MLIP: variants seen among roughly 807,000 people sequenced by gnomAD.
MLIP encodes muscular LMNA interacting protein.
MLIP carries 79 observed loss-of-function variants against 84.8 expected under a neutral mutation model. The observed-to-expected ratio is 0.93, with a 90% CI of 0.78 to 1.12. The LOEUF (loss-of-function observed/expected upper bound fraction) is 1.12, where lower values mean the gene tolerates loss of function less well. Among genes scored for constraint, MLIP ranks in the 50% most tolerant of loss-of-function variants. MLIP has a pLI of 0.00. For missense variants in MLIP, 1,257 were observed against 1,160.6 expected (o/e 1.08, Z -1.21); for synonymous variants, 504 against 463.0 (o/e 1.09, Z -1.14).
At chr6:54,154,262 T>TA (rs1258106044) in intron 5 of MLIP, among the ~76,000 whole-genome samples, 1 of 151,808 alleles carries the variant, frequency 6.6e-6, no homozygotes, top group Non-Finnish European at 1.5e-5. Context: ...CTCATAAGCA[T>TA]AAAAAAAATA....
chr6:54,255,102 T>C (rs1425809361), intron 12 of MLIP, among the ~76,000 whole-genome samples: 3 of 152,106 alleles, frequency 2.0e-5, no homozygotes, highest in African/African-American at 7.2e-5. Context: ...AGTGCCTGGC[T>C]TTTCCCTTTA....
intron 1 of MLIP, among the ~76,000 whole-genome samples, chr6:54,031,111 T>C (rs1349823236): frequency 6.6e-6 from 1 of 152,182 alleles, no homozygotes; most frequent in African/African-American, 2.4e-5. Flanking sequence ...TGTGCAGCCC[T>C]ATTAGCCAAA....
At chr6:54,203,356 G>A (rs1460019222) in intron 11 of MLIP, among the ~76,000 whole-genome samples, 1 of 151,964 alleles carries the variant, frequency 6.6e-6, no homozygotes, top group African/African-American at 2.4e-5. Flanking sequence ...GGACATGTAA[G>A]ATCATCATAT....
At chr6:54,097,944 A>G (rs192025777) in intron 1 of MLIP, among the ~76,000 whole-genome samples, 230 of 152,268 alleles carry the variant, frequency 1.5e-3, no homozygotes, top group African/African-American at 5.0e-3. Context: ...GCTCAATATT[A>G]GAGTCAGCAA....
chr6:54,144,212 G>A (rs1028835966), intron 4 of MLIP, among the ~76,000 whole-genome samples: 1 of 152,166 alleles, frequency 6.6e-6, no homozygotes, highest in Non-Finnish European at 1.5e-5. Flanking sequence ...CAGGACTGAT[G>A]TCAGGGAGAT....
At chr6:54,074,920 A>C (rs1766703243) in intron 1 of MLIP, among the ~76,000 whole-genome samples, 1 of 152,090 alleles carries the variant, frequency 6.6e-6, no homozygotes. Context: ...TAACTTCTTC[A>C]TTTGCAAAAG....
At chr6:54,265,171 T>C (rs569532281) in intron 13 of MLIP, among the ~76,000 whole-genome samples, 1 of 152,234 alleles carries the variant, frequency 6.6e-6, no homozygotes, top group South Asian at 2.1e-4. Flanking sequence ...AGTTCCTCCA[T>C]TGGTGTTATT....
At chr6:54,129,967 AT>A (rs905603406) in intron 3 of MLIP, among the ~76,000 whole-genome samples, 2 of 151,756 alleles carry the variant, frequency 1.3e-5, no homozygotes, top group African/African-American at 2.4e-5. Flanking sequence ...TGACCAAGTG[AT>A]TTTTTTTTAA....
intron 9 of MLIP, among the ~76,000 whole-genome samples, chr6:54,178,999 A>C (rs1435302260): frequency 6.6e-6 from 1 of 152,118 alleles, no homozygotes; most frequent in Non-Finnish European, 1.5e-5. Flanking sequence ...GGGGTGTTGA[A>C]GTCTCCAGCT....
chr6:54,143,947 T>C (rs1772554996), intron 4 of MLIP, among the ~76,000 whole-genome samples: 2 of 152,090 alleles, frequency 1.3e-5, no homozygotes, highest in East Asian at 1.9e-4. Flanking sequence ...AAATTATGCA[T>C]TTAAGGTGTT....
At chr6:54,240,497 A>C (rs1245647368) in intron 12 of MLIP, among the ~76,000 whole-genome samples, 1 of 152,132 alleles carries the variant, frequency 6.6e-6, no homozygotes, top group Admixed American at 6.5e-5. Flanking sequence ...CAAAAGTTGC[A>C]GTGTTATTTT....
At chr6:54,215,372 C>A in intron 11 of MLIP, 1 of 1,295,866 alleles carries the variant, frequency 7.7e-7, no homozygotes, top group Non-Finnish European at 9.8e-7. Flanking sequence ...AAAAATGGGG[C>A]TACTAATCAC....
chr6:54,240,504 T>C (rs1354669116), intron 12 of MLIP, among the ~76,000 whole-genome samples: 1 of 152,218 alleles, frequency 6.6e-6, no homozygotes, highest in Non-Finnish European at 1.5e-5. Flanking sequence ...TGCAGTGTTA[T>C]TTTGTGTGCA....
intron 1 of MLIP, among the ~76,000 whole-genome samples, chr6:54,039,799 TTC>T (rs1764644401): frequency 6.6e-6 from 1 of 151,946 alleles, no homozygotes; most frequent in African/African-American, 2.4e-5. Context: ...TTTGCATGTT[TTC>T]TGTGTTGTAC....
rs928308274 is a variant in MLIP at position 54,065,469 on chromosome 6, A to C, written c.63+46378A>C. Among the ~76,000 whole-genome samples the C allele has an allele frequency of 3.0e-5, 3 of 101,016 alleles. 1 individual carries two copies. Among genetic ancestry groups the C allele is most frequent in the Admixed American group, 2.8e-4 (3 of 10,890 alleles). 66.3% of individuals were successfully genotyped at this position (101,016 alleles called of 152,430 possible). ...AAGGATAAATGTTAACTACATCATTATTTCTTTCCAAGGAAAAGCAATTAC... is the reference window on the plus strand; with the variant it reads ...AAGGATAAATGTTAACTACATCATTCTTTCTTTCCAAGGAAAAGCAATTAC... On this transcript the variant is annotated intron_variant, in intron 1 of 12. Transcript: ENST00000274897.
intron 13 of MLIP, among the ~76,000 whole-genome samples, chr6:54,258,006 A>AT (rs1324771704): frequency 6.6e-6 from 1 of 152,112 alleles, no homozygotes; most frequent in East Asian, 1.9e-4. Flanking sequence ...AAATGTTCTC[A>AT]TTATGGTTTA....
chr6:54,236,865 A>G (rs1438198079), intron 12 of MLIP, among the ~76,000 whole-genome samples: 1 of 152,150 alleles, frequency 6.6e-6, no homozygotes, highest in Non-Finnish European at 1.5e-5. Flanking sequence ...TATATTAAAT[A>G]TGTGTCTTTA....
At chr6:54,086,691 G>A (rs1767516592) in intron 1 of MLIP, among the ~76,000 whole-genome samples, 1 of 152,094 alleles carries the variant, frequency 6.6e-6, no homozygotes, top group Non-Finnish European at 1.5e-5. Flanking sequence ...CTTCCCCAGG[G>A]TCATTTTCTC....
intron 1 of MLIP, among the ~76,000 whole-genome samples, chr6:54,056,577 T>C (rs1012574630): frequency 5.9e-5 from 9 of 152,178 alleles, no homozygotes; most frequent in African/African-American, 2.2e-4. Context: ...TACTTTTATA[T>C]TTTCGTGTCG....
Sources: allele counts gnomAD v4.1 joint callset (sites outside exome capture counted in the v4.1 genomes callset), GRCh38; gene constraint gnomAD v4.1.1; transcripts MANE v1.5; gene names NCBI Gene and HGNC (gene_info 2026-07-23, HGNC 2026-07-21).